Variants in RARS2 observed in about 807,000 individuals in gnomAD.
The protein encoded by RARS2 is probable arginine--tRNA ligase, mitochondrial.
RARS2 carries 67 observed loss-of-function variants against 88.5 expected under a neutral mutation model. The observed-to-expected ratio is 0.76, with a 90% CI of 0.62 to 0.93. RARS2 has a LOEUF of 0.93. Among genes scored for constraint, RARS2 ranks in the 40% least tolerant of loss-of-function variants. The pLI, the probability that RARS2 is intolerant of heterozygous loss-of-function variation, is 0.00. For synonymous variants in RARS2, 239 were observed against 230.3 expected (o/e 1.04, Z -0.34); for missense variants, 664 against 684.2 (o/e 0.97, Z 0.33).
In RARS2 at chr6:87,519,704, G is replaced by A; in HGVS notation, c.1116C>T (p.Cys372=). ...GTACTACTCCAAAGGGCACGTGCTG[G>A]CACCTAAAAGAGTGGGCATCTAGTT... ...KIMGYDWAER[C]QHVPFGVVQG... is the part of the protein sequence containing the mutation. The change falls in exon 14 of 20, where the codon TGC becomes TGT. Residue 372 remains cysteine (C), a synonymous_variant. Transcript: ENST00000369536. The A allele has an allele frequency of 6.2e-7, 1 of 1,613,940 alleles. No individual in the cohort carries two copies. The highest frequency in any genetic ancestry group is 8.5e-7 in the Non-Finnish European group (1 of 1,179,874).
chr6:87,536,366 G>C lies in RARS2; in HGVS notation c.613-5424C>G, dbSNP rs540699827. Among the ~76,000 whole-genome samples, 39 of 152,178 alleles carry C rather than the reference G, an allele frequency of 2.6e-4. 1 individual carries two copies. The highest frequency in any genetic ancestry group is 1.5e-5 in the Non-Finnish European group (1 of 68,002). On this transcript the variant is annotated intron_variant, in intron 8 of 19. Coordinates refer to ENST00000369536, the MANE Select transcript of RARS2 (RefSeq NM_020320.5). ...AGAAATTACTTTTTGCCTGGGCGTG[G>C]TGGCTCACACCTGTAATCCCAGCAT... is the stretch of plus-strand genomic sequence containing the variant.
chr6:87,523,558 A>G (rs1450335399), intron 11 of RARS2, among the ~76,000 whole-genome samples: 1 of 152,224 alleles, frequency 6.6e-6, no homozygotes, highest in Non-Finnish European at 1.5e-5. Context: ...TACACAGAAA[A>G]GTCTACATCT....
At chr6:87,532,337 A>G (rs1777794670) in intron 8 of RARS2, among the ~76,000 whole-genome samples, 1 of 152,150 alleles carries the variant, frequency 6.6e-6, no homozygotes, top group African/African-American at 2.4e-5. Flanking sequence ...GAATGTCTCC[A>G]CCAACTTAAC....
At chr6:87,551,918 G>A (rs2128135451) in intron 5 of RARS2, among the ~76,000 whole-genome samples, 1 of 152,306 alleles carries the variant, frequency 6.6e-6, no homozygotes, top group East Asian at 1.9e-4. Context: ...AGGAGAGGCT[G>A]ACTAGAGAGA....
intron 11 of RARS2, among the ~76,000 whole-genome samples, chr6:87,523,009 A>G (rs1281954628): frequency 6.6e-6 from 1 of 152,224 alleles, no homozygotes; most frequent in African/African-American, 2.4e-5. Flanking sequence ...AGGATTGGCA[A>G]TTAGGAAAAA....
At chr6:87,530,679 A>C (rs1410930522) in intron 9 of RARS2, 105 bp downstream of exon 9, 21 of 1,447,152 alleles carry the variant, frequency 1.5e-5, no homozygotes, top group Non-Finnish European at 1.9e-5. Flanking sequence ...ATTCACCTAC[A>C]AATCTATTTT....
At chr6:87,518,373 A>G in intron 16 of RARS2, 109 bp from the exon 17 acceptor site, 1 of 1,575,534 alleles carries the variant, frequency 6.3e-7, no homozygotes, top group Non-Finnish European at 8.6e-7. Flanking sequence ...TGGTCTCCTT[A>G]ATATCCATAC....
At chr6:87,568,793 T>TA (rs1415251418) in intron 2 of RARS2, among the ~76,000 whole-genome samples, 1 of 152,224 alleles carries the variant, frequency 6.6e-6, no homozygotes, top group East Asian at 1.9e-4. Flanking sequence ...CTGACAAAGT[T>TA]AAGTGAATAA....
At chr6:87,523,319 G>A (rs1231801456) in intron 11 of RARS2, among the ~76,000 whole-genome samples, 1 of 152,162 alleles carries the variant, frequency 6.6e-6, no homozygotes, top group Admixed American at 6.5e-5. Flanking sequence ...TTAAACGACA[G>A]TCCCAGGTCT....
chr6:87,571,978 G>A (rs149323184), intron 1 of RARS2, among the ~76,000 whole-genome samples: 137 of 152,028 alleles, frequency 9.0e-4, no homozygotes, highest in Middle Eastern at 3.4e-3. Context: ...TGTATTTACA[G>A]AAGTAGGTAA....
rs117813507 is a variant in RARS2 at position 87,577,671 on chromosome 6, G to A, written c.37-8081C>T. On this transcript the variant is annotated intron_variant, in intron 1 of 19. Transcript: ENST00000369536. Reference sequence around the variant, plus strand: ...ACATAAAATGAACAGTAGAGGTTGTGCAGATATGGTTACTAAACAGACTAT... The same window carrying A: ...ACATAAAATGAACAGTAGAGGTTGTACAGATATGGTTACTAAACAGACTAT... Among the ~76,000 whole-genome samples the A allele has an allele frequency of 6.6e-3, 998 of 152,304 alleles. 4 individuals carry two copies. Among genetic ancestry groups the A allele is most frequent in the Non-Finnish European group, 9.7e-3 (659 of 68,036 alleles).
intron 11 of RARS2, 149 bp from the exon 12 acceptor site, chr6:87,521,673 A>G (rs1445614026): frequency 8.3e-6 from 5 of 605,176 alleles, no homozygotes; most frequent in African/African-American, 3.7e-5. Context: ...GATAATCCGA[A>G]TATCATGTTT....
rs150245700 is a variant in RARS2, at chr6:87,559,700, T to C, written c.297+3002A>G. Among the ~76,000 whole-genome samples, 6 of 152,296 alleles carry C rather than the reference T, an allele frequency of 3.9e-5. No homozygotes were observed. The South Asian group carries it at 6.2e-4, about 16-fold the overall frequency. On this transcript the variant is annotated intron_variant, in intron 4 of 19. Coordinates refer to ENST00000369536, the MANE Select transcript of RARS2 (RefSeq NM_020320.5). ...TTTTTATTATTTTATTCTGAAGTTA[T>C]GATACAAGGAAAAATATTTTTTTAT...
Position 87,514,138 on chromosome 6 carries a change from C to G in RARS2, c.*275G>C, listed in dbSNP as rs1770749221. Among the ~76,000 whole-genome samples, 1 of 151,896 alleles carries G rather than the reference C, an allele frequency of 6.6e-6. No homozygotes were observed. The highest frequency in any genetic ancestry group is 2.4e-5 in the African/African-American group (1 of 41,324). On this transcript the variant is annotated 3_prime_UTR_variant, in exon 20 of 20. Coordinates refer to ENST00000369536, the MANE Select transcript of RARS2 (RefSeq NM_020320.5). ...ACCAGCCTGACCAACATAGAGAAAC[C>G]CTGTCTCTACTAAAAATACAAAATT... is the stretch of plus-strand genomic sequence containing the variant.
At chr6:87,562,907 C>G in intron 3 of RARS2, 122 bp from the exon 4 acceptor site, 1 of 747,068 alleles carries the variant, frequency 1.3e-6, no homozygotes, top group Non-Finnish European at 2.4e-6. Context: ...GTCCCTATAT[C>G]GGGTCCCAGT....
chr6:87,567,264 A>G (rs1412683371), intron 2 of RARS2, among the ~76,000 whole-genome samples: 1 of 152,136 alleles, frequency 6.6e-6, no homozygotes, highest in African/African-American at 2.4e-5. Flanking sequence ...AAAAACAAAG[A>G]AAAAACTGGT....
chr6:87,533,423 C>T (rs1032595634), intron 8 of RARS2, among the ~76,000 whole-genome samples: 1 of 152,114 alleles, frequency 6.6e-6, no homozygotes, highest in Non-Finnish European at 1.5e-5. Context: ...TAAAACTAAA[C>T]AGTTACCATG....
At chr6:87,574,223 GT>G (rs2128202733) in intron 1 of RARS2, among the ~76,000 whole-genome samples, 1 of 152,328 alleles carries the variant, frequency 6.6e-6, no homozygotes, top group South Asian at 2.1e-4. Context: ...TTGATATGGT[GT>G]TGTGTGAGCA....
intron 2 of RARS2, among the ~76,000 whole-genome samples, chr6:87,565,127 T>C (rs546134383): frequency 5.9e-5 from 9 of 152,264 alleles, no homozygotes; most frequent in Admixed American, 2.0e-4. Flanking sequence ...GCAAGCTAAA[T>C]GTCTCCTTTA....
Sources: gnomAD v4.1 joint callset for allele counts (sites outside exome capture counted in the v4.1 genomes callset) on GRCh38, gnomAD v4.1.1 for gene constraint, MANE v1.5 for transcripts, NCBI Gene and HGNC (gene_info 2026-07-23, HGNC 2026-07-21) for gene names.